IFT80: variants seen among roughly 807,000 people sequenced by gnomAD.
IFT80 encodes intraflagellar transport 80.
IFT80 carries 79 observed loss-of-function variants against 107.9 expected under a neutral mutation model. The ratio of observed to expected loss-of-function variants is 0.73; its 90% confidence interval spans 0.61 to 0.88. IFT80 has a LOEUF of 0.88. IFT80 is among the 40% of genes least tolerant of loss of function. IFT80 has a pLI of 0.00. For synonymous variants in IFT80, 299 were observed against 300.9 expected (o/e 0.99, Z 0.07); for missense variants, 797 against 914.2 (o/e 0.87, Z 1.65).
Position 160,366,063 on chromosome 3 carries a change from G to A in IFT80, c.529C>T (p.Pro177Ser). The A allele has an allele frequency of 6.2e-7, 1 of 1,612,286 alleles. No individual in the cohort carries two copies. The highest frequency in any genetic ancestry group is 1.3e-5 in the African/African-American group (1 of 74,844). Residue 177 changes from proline (P) to serine (S), a missense_variant, in exon 6 of 20, where the codon CCA becomes TCA. Pro to Ser is a moderately conservative substitution (Grantham distance 74). Transcript: ENST00000326448. ...AGTACCTGCAAAACTTTAGCATTTG[G>A]TTGAAGAGGTTTAATGATTAGCTGC... is the stretch of plus-strand genomic sequence containing the variant. ...GKQLIIKPLQ[P>S]NAKVLQWKAH...
chr3:160,382,751 T>C (rs1712620149), intron 2 of IFT80, among the ~76,000 whole-genome samples: 1 of 152,218 alleles, frequency 6.6e-6, no homozygotes, highest in African/African-American at 2.4e-5. Context: ...ATCTGAGCAA[T>C]AATACAATTG....
chr3:160,300,023 C>T (rs957380744), intron 12 of IFT80, among the ~76,000 whole-genome samples: 4 of 152,072 alleles, frequency 2.6e-5, no homozygotes. Context: ...CTCATTTTGA[C>T]CCAGTCACAT....
intron 12 of IFT80, 88 bp downstream of exon 12, chr3:160,300,795 A>G: frequency 1.0e-6 from 1 of 989,634 alleles, no homozygotes; most frequent in Non-Finnish European, 1.5e-6. Flanking sequence ...ATGTACTGGT[A>G]GATAAGAAAA....
At chr3:160,318,613 T>C (rs982851091) in intron 9 of IFT80, among the ~76,000 whole-genome samples, 1 of 152,120 alleles carries the variant, frequency 6.6e-6, no homozygotes. Flanking sequence ...CCCACTGATA[T>C]CCTTTGACCT....
intron 6 of IFT80, among the ~76,000 whole-genome samples, chr3:160,362,710 C>T (rs950424206): frequency 6.6e-6 from 1 of 151,806 alleles, no homozygotes; most frequent in Non-Finnish European, 1.5e-5. Flanking sequence ...GCAAGGGATT[C>T]AACATACGCA....
rs1718069979 is a variant in IFT80, at chr3:160,319,759, C to T, written c.957+1G>A. The T allele has an allele frequency of 2.2e-5, 36 of 1,611,890 alleles. No individual in the cohort carries two copies. The highest frequency in any genetic ancestry group is 3.1e-5 in the Non-Finnish European group (36 of 1,178,402). On this transcript the variant is annotated splice_donor_variant, in intron 9 of 19. Transcript: ENST00000326448. LOFTEE classifies it high-confidence loss of function. ...TAATCAACCTTGGAACATAATAATA[C>T]CTGCATGGCTCTTCTTTTCGTTAAT...
chr3:160,289,395 C>T (rs186742984), intron 12 of IFT80, among the ~76,000 whole-genome samples: 44 of 152,252 alleles, frequency 2.9e-4, no homozygotes, highest in African/African-American at 9.9e-4. Context: ...GTACAACAAA[C>T]CCCTATGACA....
At chr3:160,324,685 C>A (rs1472096314) in intron 8 of IFT80, among the ~76,000 whole-genome samples, 3 of 152,070 alleles carry the variant, frequency 2.0e-5, no homozygotes, top group Non-Finnish European at 1.5e-5. Context: ...ACTGAATGGG[C>A]AAAAACTGGA....
intron 8 of IFT80, among the ~76,000 whole-genome samples, chr3:160,345,828 T>C (rs918156480): frequency 6.6e-6 from 1 of 152,070 alleles, no homozygotes; most frequent in African/African-American, 2.4e-5. Context: ...CTACTATTAT[T>C]TGATAGTACA....
intron 18 of IFT80, among the ~76,000 whole-genome samples, chr3:160,270,065 A>G (rs1231447648): frequency 6.6e-6 from 1 of 152,128 alleles, no homozygotes; most frequent in East Asian, 1.9e-4. Flanking sequence ...CAGTGGCATG[A>G]TTTTGGCTCA....
At chr3:160,258,661 A>C in intron 19 of IFT80, 26 bp from the exon 20 acceptor site, 1 of 1,606,548 alleles carries the variant, frequency 6.2e-7, no homozygotes, top group Non-Finnish European at 8.5e-7. Context: ...AAAAGAAGAA[A>C]TATGCTTAGA....
At chr3:160,286,916 A>C (rs1715136060) in intron 12 of IFT80, among the ~76,000 whole-genome samples, 2 of 148,398 alleles carry the variant, frequency 1.3e-5, no homozygotes, top group South Asian at 4.4e-4. Context: ...TAGTGAGGAG[A>C]CTCTTGGTGG....
At chr3:160,345,445 G>A (rs1474268597) in intron 8 of IFT80, among the ~76,000 whole-genome samples, 2 of 152,092 alleles carry the variant, frequency 1.3e-5, no homozygotes, top group African/African-American at 4.8e-5. Context: ...CCAGCACTTT[G>A]GGAGGCCAAG....
In IFT80 at chr3:160,263,052, T is replaced by A. The variant is rs567685555; in HGVS notation, c.2224-4417A>T. On this transcript the variant is annotated intron_variant, in intron 19 of 19. Transcript: ENST00000326448. ...TCTGGACACCTGATAGACACTCTAA[T>A]CACATACAAAATGGTATATTTTCAT... Among the ~76,000 whole-genome samples, 18 of 152,328 alleles carry A rather than the reference T, an allele frequency of 1.2e-4. No individual in the cohort carries two copies. The South Asian group carries it at 3.5e-3, about 30-fold the overall frequency.
intron 1 of IFT80, among the ~76,000 whole-genome samples, chr3:160,392,914 A>G (rs1180760830): frequency 6.6e-6 from 1 of 152,184 alleles, no homozygotes; most frequent in East Asian, 1.9e-4. Flanking sequence ...TTACAAAAAA[A>G]TAAATAATTA....
At chr3:160,327,695 T>G (rs142961661) in intron 8 of IFT80, among the ~76,000 whole-genome samples, 1 of 152,118 alleles carries the variant, frequency 6.6e-6, no homozygotes, top group Non-Finnish European at 1.5e-5. Flanking sequence ...TAACTCAAGA[T>G]GGATTAAAGA....
chr3:160,385,752 AG>A (rs1292702233), intron 1 of IFT80, among the ~76,000 whole-genome samples: 1 of 152,202 alleles, frequency 6.6e-6, no homozygotes, highest in Non-Finnish European at 1.5e-5. Context: ...TTTGGTCTTT[AG>A]GAGTTCTCCA....
intron 12 of IFT80, among the ~76,000 whole-genome samples, chr3:160,295,244 T>C (rs1043582554): frequency 3.9e-5 from 6 of 152,126 alleles, no homozygotes; most frequent in African/African-American, 1.4e-4. Flanking sequence ...ACTGGAAAAC[T>C]TGCCCACTTC....
intron 2 of IFT80, among the ~76,000 whole-genome samples, chr3:160,383,161 A>G (rs62272198): frequency 0.045 from 6,924 of 152,280 alleles, 223 homozygotes; most frequent in Middle Eastern, 0.078. Context: ...GACGTCCATG[A>G]CATTATCTTC....
Sources: allele counts gnomAD v4.1 joint callset (sites outside exome capture counted in the v4.1 genomes callset), GRCh38; gene constraint gnomAD v4.1.1; transcripts MANE v1.5; gene names NCBI Gene and HGNC (gene_info 2026-07-23, HGNC 2026-07-21).